Variants in SLC6A5 observed in about 807,000 individuals in gnomAD.
SLC6A5 encodes solute carrier family 6 member 5.
In SLC6A5, 58 loss-of-function variants were observed where a neutral mutation model predicts 90.5. The observed-to-expected ratio is 0.64, with a 90% CI of 0.52 to 0.80. The LOEUF is 0.80. Ranked by LOEUF, SLC6A5 falls within the 30% of genes least tolerant of loss-of-function variation. The probability of loss-of-function intolerance (pLI) is 0.00; values close to 1 mark genes in which losing one functional copy is unlikely to be tolerated. For synonymous variants in SLC6A5, 427 were observed against 401.4 expected (o/e 1.06, Z -0.76); for missense variants, 1,015 against 1,017.6 (o/e 1.00, Z 0.03).
At position 20,601,629 on chromosome 11, in the gene SLC6A5, C is replaced by T. The variant is rs199692692; in HGVS notation, c.504C>T (p.Ser168=). 1.9e-6 allele frequency: 3 copies of T among 1,614,066 alleles called. No individual in the cohort carries two copies. Among genetic ancestry groups the T allele is most frequent in the East Asian group, 4.5e-5 (2 of 44,876 alleles). ...TGCTGGCCACGGATGGAATCACGTC[C>T]GTGCTCCCGGGCAGCGTGGCCACCG... ...TVVLATDGIT[S]VLPGSVATVA... is the part of the protein sequence containing the mutation. Residue 168 remains serine (S), a synonymous_variant, in exon 2 of 16, where the codon TCC becomes TCT. Coordinates refer to ENST00000525748, the MANE Select transcript of SLC6A5 (RefSeq NM_004211.5).
chr11:20,637,349 G>C, intron 12 of SLC6A5, 46 bp downstream of exon 12: 4 of 1,547,814 alleles, frequency 2.6e-6, no homozygotes, highest in Non-Finnish European at 3.6e-6. Context: ...GCAGGAGGGT[G>C]GGGGGCCAAT....
chr11:20,625,963 T>C (rs988820875), intron 7 of SLC6A5, among the ~76,000 whole-genome samples: 2 of 152,256 alleles, frequency 1.3e-5, no homozygotes, highest in Admixed American at 6.5e-5. Flanking sequence ...TTCATCTTTA[T>C]GCAGCTGATG....
chr11:20,604,246 A>G (rs1408654573), intron 2 of SLC6A5, 40 bp from the exon 3 acceptor site: 3 of 1,580,780 alleles, frequency 1.9e-6, no homozygotes, highest in South Asian at 2.3e-5. Context: ...TTGTGGACCT[A>G]CTCGGGGCTG....
Position 20,627,893 on chromosome 11 carries a change from C to T in SLC6A5, c.1396-87C>T, listed in dbSNP as rs767966924. 1.6e-5 allele frequency: 15 copies of T among 920,926 alleles called. No homozygotes were observed. The Admixed American group carries it at 2.1e-4, about 13-fold the overall frequency. The allele number at this position is 920,926 out of a possible 1,614,324, so 57.0% of individuals were successfully genotyped here. ...TTGTCCCTGATGTTTCCCCTGGAAA[C>T]ATGATATGGCACTGGGTGTGTGACT... is the stretch of plus-strand genomic sequence containing the variant. On this transcript the variant is annotated intron_variant, in intron 8 of 15. Coordinates refer to ENST00000525748, the MANE Select transcript of SLC6A5 (RefSeq NM_004211.5).
intron 7 of SLC6A5, among the ~76,000 whole-genome samples, chr11:20,625,507 C>T (rs182176042): frequency 2.6e-5 from 4 of 152,196 alleles, no homozygotes; most frequent in African/African-American, 7.2e-5. Context: ...GGTGATCTGC[C>T]CGCCTTGACC....
rs1853209290 is a variant in SLC6A5, at chr11:20,636,420, G to A, written c.1737+1G>A. 1 of 1,572,706 alleles carries A rather than the reference G, an allele frequency of 6.4e-7. No individual in the cohort carries two copies. The highest frequency in any genetic ancestry group is 1.1e-5 in the South Asian group (1 of 90,230). ...CCTCACTCTTGGACTTGACACTATG[G>A]TGAGCCCCTTTTCCATCAGTCTCTA... On this transcript the variant is annotated splice_donor_variant, in intron 11 of 15. Transcript: ENST00000525748. LOFTEE classifies it high-confidence loss of function.
chr11:20,606,593 TTGGGTCC>T (rs1852585789), intron 3 of SLC6A5, among the ~76,000 whole-genome samples: 2 of 152,036 alleles, frequency 1.3e-5, no homozygotes, highest in Non-Finnish European at 2.9e-5. Flanking sequence ...TTAGAAGATT[TTGGGTCC>T]TGGGAGGGCT....
chr11:20,605,846 C>T (rs1852568935), intron 3 of SLC6A5, among the ~76,000 whole-genome samples: 1 of 152,228 alleles, frequency 6.6e-6, no homozygotes, highest in African/African-American at 2.4e-5. Context: ...CAGAGGAGGA[C>T]TGCACAATCC....
rs1363840747 is a variant in SLC6A5 at position 20,637,251 on chromosome 11, C to T, written c.1817C>T (p.Thr606Ile). The T allele has an allele frequency of 1.2e-6, 2 of 1,613,648 alleles. No individual in the cohort carries two copies. Among genetic ancestry groups the T allele is most frequent in the Admixed American group, 1.7e-5 (1 of 59,972 alleles). The change falls in exon 12 of 16, where the codon ACT (threonine) becomes ATT (isoleucine). Residue 606 changes from threonine to isoleucine, a missense_variant. By Grantham distance (89) the Thr-to-Ile change is moderately conservative. This residue lies in a region of SLC6A5 where 442 missense variants were observed against 494.3 expected (regional missense o/e 0.89). Transcript: ENST00000525748. ...KYLRTHKPVF[T>I]LGCCICFFIM... ...CTACGCACACACAAGCCAGTGTTTACTCTGGGCTGCTGCATTTGTTTCTTC... is the reference window on the plus strand; with the variant it reads ...CTACGCACACACAAGCCAGTGTTTATTCTGGGCTGCTGCATTTGTTTCTTC...
intron 8 of SLC6A5, among the ~76,000 whole-genome samples, chr11:20,627,607 A>G (rs1456286994): frequency 6.6e-6 from 1 of 152,232 alleles, no homozygotes; most frequent in Non-Finnish European, 1.5e-5. Context: ...AATGTCAGTT[A>G]AAAAGGGTTT....
At position 20,655,684 on chromosome 11, in the gene SLC6A5, A is replaced by T. The variant is rs1010680655; in HGVS notation, c.*816A>T. ...AGAGCTCCATGCTCATTTCTACATG[A>T]TATTTAGCACCATGGTTCAATGTCA... On this transcript the variant is annotated 3_prime_UTR_variant, in exon 16 of 16. Coordinates refer to ENST00000525748, the MANE Select transcript of SLC6A5 (RefSeq NM_004211.5). The T allele has an allele frequency of 2.6e-5, 4 of 152,154 alleles. No homozygotes were observed. Among genetic ancestry groups the T allele is most frequent in the African/African-American group, 9.7e-5 (4 of 41,406 alleles). 9.4% of individuals were successfully genotyped at this position (152,154 alleles called of 1,614,324 possible). A position where few individuals can be genotyped will look rare whatever the true frequency, so the allele number is the denominator to read the frequency against.
In SLC6A5 at chr11:20,635,653, A is replaced by G. The variant is rs533541931; in HGVS notation, c.1625-654A>G. ...AACAAACCTGCACATGCACCCCAGAACTTAATAAAATAAATAAAGGAAGAA... is the reference window on the plus strand; with the variant it reads ...AACAAACCTGCACATGCACCCCAGAGCTTAATAAAATAAATAAAGGAAGAA... On this transcript the variant is annotated intron_variant, in intron 10 of 15. Transcript: ENST00000525748. Among the ~76,000 whole-genome samples the G allele has an allele frequency of 1.1e-3, 161 of 152,304 alleles. 1 individual carries two copies. Among genetic ancestry groups the G allele is most frequent in the African/African-American group, 3.8e-3 (156 of 41,566 alleles).
intron 7 of SLC6A5, among the ~76,000 whole-genome samples, chr11:20,620,691 G>A (rs1181333839): frequency 6.6e-6 from 1 of 152,232 alleles, no homozygotes; most frequent in Non-Finnish European, 1.5e-5. Flanking sequence ...GGCTTGTCAA[G>A]GTAGAGTAAA....
intron 1 of SLC6A5, among the ~76,000 whole-genome samples, chr11:20,600,360 GA>G (rs1852439496): frequency 3.5e-5 from 5 of 144,010 alleles, no homozygotes; most frequent in Admixed American, 7.1e-5. Context: ...AGAAGAAGAA[GA>G]AGAAGAAGAA....
intron 3 of SLC6A5, among the ~76,000 whole-genome samples, chr11:20,604,895 C>T (rs890069802): frequency 1.3e-5 from 2 of 152,182 alleles, no homozygotes; most frequent in African/African-American, 2.4e-5. Flanking sequence ...CTGTCAAAAA[C>T]CTCTCAGAAG....
chr11:20,630,752 T>C lies in SLC6A5; in HGVS notation c.1561T>C (p.Phe521Leu). 6.2e-7 allele frequency: 1 copy of C among 1,614,224 alleles called. No homozygotes were observed. The highest frequency in any genetic ancestry group is 8.5e-7 in the Non-Finnish European group (1 of 1,180,022). ...ATSIFAGFVI[F>L]SVIGFMANER... is the part of the protein sequence containing the mutation. Reference sequence around the variant, plus strand: ...AAGCATCTTTGCCGGCTTCGTCATCTTCTCCGTTATCGGCTTCATGGCCAA... The same window carrying C: ...AAGCATCTTTGCCGGCTTCGTCATCCTCTCCGTTATCGGCTTCATGGCCAA... Residue 521 changes from phenylalanine to leucine, a missense_variant, in exon 10 of 16, where the codon TTC becomes CTC. By Grantham distance (22) the Phe-to-Leu change is conservative (BLOSUM62 0). This residue lies in a region of SLC6A5 where 442 missense variants were observed against 494.3 expected (regional missense o/e 0.89). Transcript: ENST00000525748.
rs560008080 is a variant in SLC6A5, at chr11:20,655,074, G to T, written c.*206G>T. 1.5e-4 allele frequency: 94 copies of T among 608,086 alleles called. 1 individual carries two copies. The highest frequency in any genetic ancestry group is 2.4e-4 in the Admixed American group (11 of 45,460). The allele number at this position is 608,086 out of a possible 1,614,324, so 37.7% of individuals were successfully genotyped here. A position where few individuals can be genotyped will look rare whatever the true frequency, so the allele number is the denominator to read the frequency against. On this transcript the variant is annotated 3_prime_UTR_variant, in exon 16 of 16. Transcript: ENST00000525748. ...ACATAGACCACCTGAAGCGCTGTTTGCCTGTGCCCATGGTGACTGTTTCTG... is the reference window on the plus strand; with the variant it reads ...ACATAGACCACCTGAAGCGCTGTTTTCCTGTGCCCATGGTGACTGTTTCTG...
rs146704790 is a variant in SLC6A5, at chr11:20,658,365, G to A, written c.*3497G>A. 1.4e-3 allele frequency: 206 copies of A among 152,322 alleles called. No homozygotes were observed. Among genetic ancestry groups the A allele is most frequent in the African/African-American group, 4.6e-3 (190 of 41,560 alleles). The allele number at this position is 152,322 out of a possible 1,614,324, so 9.4% of individuals were successfully genotyped here. ...TACTACTGTTGTTGCACCTGGATTT[G>A]AGTTGGGACATGCTTCTTTGAGGCA... On this transcript the variant is annotated 3_prime_UTR_variant, in exon 16 of 16. Transcript: ENST00000525748.
At position 20,614,192 on chromosome 11, in the gene SLC6A5, T is replaced by A. The variant is rs1473412456; in HGVS notation, c.986-487T>A. On this transcript the variant is annotated intron_variant, in intron 5 of 15. Transcript: ENST00000525748. Reference sequence around the variant, plus strand: ...TTCTGTAGCAGTACCCTTCAGGGGGTCTGCTTATTTTCTAATTCAATTCGT... The same window carrying A: ...TTCTGTAGCAGTACCCTTCAGGGGGACTGCTTATTTTCTAATTCAATTCGT... 2.0e-5 allele frequency among the ~76,000 whole-genome samples: 3 copies of A among 152,094 alleles called. No individual in the cohort carries two copies. In the South Asian group the frequency reaches 6.2e-4, roughly 32 times the overall value.
Sources: allele counts gnomAD v4.1 joint callset (sites outside exome capture counted in the v4.1 genomes callset), GRCh38; gene constraint gnomAD v4.1.1; regional missense constraint gnomAD v4.1.1; transcripts MANE v1.5; gene names NCBI Gene and HGNC (gene_info 2026-07-23, HGNC 2026-07-21).